AQR: variants seen among roughly 807,000 people sequenced by gnomAD.
The protein encoded by AQR is aquarius intron-binding spliceosomal factor, also known as RNA helicase aquarius.
In AQR, 61 loss-of-function variants were observed where a neutral mutation model predicts 180.5. That is an observed-to-expected ratio of 0.34 (90% CI 0.28 to 0.42). The LOEUF is 0.42. AQR is among the 10% of genes least tolerant of loss of function. AQR has a pLI of 1.00. For synonymous variants in AQR, 551 were observed against 588.8 expected (o/e 0.94, Z 0.93); for missense variants, 1,281 against 1,798.3 (o/e 0.71, Z 5.20).
chr15:34,926,929 G>A, intron 13 of AQR, 106 bp downstream of exon 13: 1 of 554,816 alleles, frequency 1.8e-6, no homozygotes, highest in South Asian at 4.9e-5. Context: ...GAAATAACAA[G>A]TAATATTATC....
At chr15:34,944,214 G>A in intron 6 of AQR, 74 bp downstream of exon 6, 2 of 1,388,924 alleles carry the variant, frequency 1.4e-6, no homozygotes, top group Admixed American at 4.9e-5. Context: ...TGGCTACAGA[G>A]GTAATTTCAT....
chr15:34,873,692 AT>A, intron 30 of AQR, 135 bp downstream of exon 30: 1 of 629,400 alleles, frequency 1.6e-6, no homozygotes, highest in Non-Finnish European at 2.5e-6. Flanking sequence ...TCTGAAATCG[AT>A]TTTTCATATG....
intron 6 of AQR, among the ~76,000 whole-genome samples, chr15:34,942,614 A>T (rs1894041605): frequency 6.6e-6 from 1 of 152,248 alleles, no homozygotes; most frequent in Non-Finnish European, 1.5e-5. Flanking sequence ...CGTATGTTAG[A>T]TAAGCTTCGT....
rs370035629 is a variant in AQR at position 34,942,034 on chromosome 15, G to A, written c.518C>T (p.Pro173Leu). 17 of 1,612,282 alleles carry A rather than the reference G, an allele frequency of 1.1e-5. No individual in the cohort carries two copies. The highest frequency in any genetic ancestry group is 1.4e-5 in the Non-Finnish European group (16 of 1,179,066). ...TACCAGCTGTAAGCCCATCCACATT[G>A]GGAGGGAGATAAGCTGCTGTACTTG... ...RSQVQQLISL[P>L]MWMGLQLARL... is the part of the protein sequence containing the mutation. The change falls in exon 7 of 35, where the codon CCA (proline) becomes CTA (leucine). Residue 173 changes from proline to leucine, a missense_variant. Pro to Leu is a moderately conservative substitution (Grantham distance 98, BLOSUM62 -3). Transcript: ENST00000156471.
At chr15:34,940,283 C>A (rs1489510766) in intron 8 of AQR, among the ~76,000 whole-genome samples, 1 of 152,314 alleles carries the variant, frequency 6.6e-6, no homozygotes, top group Non-Finnish European at 1.5e-5. Context: ...TAATCCCCAG[C>A]ACTTTAGGAG....
intron 30 of AQR, among the ~76,000 whole-genome samples, chr15:34,872,505 CAA>C: frequency 6.6e-6 from 1 of 152,122 alleles, no homozygotes; most frequent in African/African-American, 2.4e-5. Context: ...GAAACTGACT[CAA>C]AGAAGAAATT....
At chr15:34,918,896 A>T (rs193273077) in intron 14 of AQR, among the ~76,000 whole-genome samples, 175 of 151,972 alleles carry the variant, frequency 1.2e-3, no homozygotes, top group Admixed American at 1.8e-3. Context: ...GTTCCTTTCC[A>T]TGATGACCTC....
intron 6 of AQR, among the ~76,000 whole-genome samples, chr15:34,942,756 G>A (rs9806284): frequency 0.018 from 2,761 of 152,320 alleles, 76 homozygotes; most frequent in African/African-American, 0.058. Flanking sequence ...AAAATGTCAT[G>A]ACCAAGGCTT....
intron 2 of AQR, 112 bp downstream of exon 2, chr15:34,964,122 A>T (rs1300752911): frequency 4.0e-6 from 3 of 745,958 alleles, no homozygotes; most frequent in Non-Finnish European, 6.6e-6. Flanking sequence ...TATTTTTTGT[A>T]GATCGTTAGG....
chr15:34,893,609 A>ACGCACGCG lies in AQR; in HGVS notation c.2571+53_2571+54insCGCGTGCG, dbSNP rs773330522. The stretch of plus-strand genomic sequence containing the variant: ...TACCCATGTGCATGCGCATGCGTGC[A>ACGCACGCG]CACACACACACACACACACACACAC... On this transcript the variant is annotated intron_variant, in intron 23 of 34. Coordinates refer to ENST00000156471, the MANE Select transcript of AQR (RefSeq NM_014691.3). 5 of 403,042 alleles carry ACGCACGCG rather than the reference A, an allele frequency of 1.2e-5. No homozygotes were observed. The Admixed American group carries it at 2.2e-4, about 18-fold the overall frequency. The allele number at this position is 403,042 out of a possible 1,614,324, so 25.0% of individuals were successfully genotyped here.
chr15:34,861,855 G>C (rs1205650002), intron 33 of AQR, among the ~76,000 whole-genome samples: 2 of 151,918 alleles, frequency 1.3e-5, no homozygotes, highest in Admixed American at 1.3e-4. Flanking sequence ...AAACACACAA[G>C]ATTTAAGTTT....
chr15:34,862,984 G>A lies in AQR; in HGVS notation c.3912C>T (p.Phe1304=), dbSNP rs375883396. Reference sequence around the variant, plus strand: ...AGTTTTGGAAGAGGGATACTCTGGCGAAGATATAAAGTCCAAGTCTGGCTC... The same window carrying A: ...AGTTTTGGAAGAGGGATACTCTGGCAAAGATATAAAGTCCAAGTCTGGCTC... The part of the protein sequence containing the change: ...MSRARLGLYI[F]ARVSLFQNCF... Residue 1304 remains phenylalanine (F), a synonymous_variant, in exon 33 of 35, where the codon TTC becomes TTT. Transcript: ENST00000156471. 6 of 1,613,794 alleles carry A rather than the reference G, an allele frequency of 3.7e-6. No individual in the cohort carries two copies. The highest frequency in any genetic ancestry group is 1.6e-4 in the Middle Eastern group (1 of 6,062).
At chr15:34,889,218 A>G (rs1459023324) in intron 24 of AQR, among the ~76,000 whole-genome samples, 1 of 152,214 alleles carries the variant, frequency 6.6e-6, no homozygotes, top group Non-Finnish European at 1.5e-5. Flanking sequence ...GCTAATCTGA[A>G]ATTAAGAATA....
chr15:34,854,287 GA>G lies in AQR; in HGVS notation c.*2504del, dbSNP rs1162303115. ...CTAAAATCATGACACATTTAGATAT[GA>G]AAAATAGGATGGAGAGCAATGGGAA... On this transcript the variant is annotated 3_prime_UTR_variant, in exon 35 of 35. Coordinates refer to ENST00000156471, the MANE Select transcript of AQR (RefSeq NM_014691.3). The G allele has an allele frequency of 2.0e-5, 3 of 151,972 alleles. No individual in the cohort carries two copies. Among genetic ancestry groups the G allele is most frequent in the African/African-American group, 7.3e-5 (3 of 41,378 alleles). The allele number at this position is 151,972 out of a possible 1,614,324, so 9.4% of individuals were successfully genotyped here.
At chr15:34,938,274 C>T (rs1473405482) in intron 9 of AQR, among the ~76,000 whole-genome samples, 1 of 152,138 alleles carries the variant, frequency 6.6e-6, no homozygotes, top group African/African-American at 2.4e-5. Context: ...TGGCTCACGC[C>T]TGTAATCCCA....
intron 23 of AQR, among the ~76,000 whole-genome samples, chr15:34,893,311 G>T (rs4923818): frequency 0.63 from 95,228 of 151,804 alleles, 31,855 homozygotes; most frequent in Non-Finnish European, 0.74. Context: ...ACCCCGATTG[G>T]CTAAAACTTA....
intron 6 of AQR, among the ~76,000 whole-genome samples, chr15:34,943,839 CAACT>C (rs1894067439): frequency 1.3e-5 from 2 of 152,152 alleles, no homozygotes; most frequent in Admixed American, 1.3e-4. Flanking sequence ...CTTTATCAGT[CAACT>C]CAAAATACAA....
intron 22 of AQR, among the ~76,000 whole-genome samples, chr15:34,894,271 ATTACATAT>A (rs1893197254): frequency 6.6e-6 from 1 of 152,174 alleles, no homozygotes; most frequent in Admixed American, 6.5e-5. Flanking sequence ...AAAATGATGC[ATTACATAT>A]TACAAAAAGA....
chr15:34,940,940 A>T lies in AQR; in HGVS notation c.600T>A (p.Ile200=). The change falls in exon 8 of 35, where the codon ATT becomes ATA. Residue 200 remains isoleucine, a synonymous_variant. Transcript: ENST00000156471. ...TPKLRKFWNL[I]KKNDEKMDPE... The stretch of plus-strand genomic sequence containing the variant: ...GATCCATCTTTTCATCATTCTTTTT[A>T]ATCAAGTTCCAGAATTTTCTTAGCT... 1 of 1,610,836 alleles carries T rather than the reference A, an allele frequency of 6.2e-7. No homozygotes were observed. The highest frequency in any genetic ancestry group is 8.5e-7 in the Non-Finnish European group (1 of 1,178,684).
Sources: allele counts gnomAD v4.1 joint callset (sites outside exome capture counted in the v4.1 genomes callset), GRCh38; gene constraint gnomAD v4.1.1; transcripts MANE v1.5; gene names NCBI Gene and HGNC (gene_info 2026-07-23, HGNC 2026-07-21).